AIRE: variants seen among roughly 807,000 people sequenced by gnomAD.
AIRE encodes the protein autoimmune polyendocrinopathy candidiasis ectodermal dystrophy protein.
A neutral mutation model predicts 62.1 loss-of-function variants in AIRE; 52 were observed. That is an observed-to-expected ratio of 0.84 (90% confidence interval 0.67 to 1.06). AIRE has a LOEUF of 1.06. Ranked by LOEUF, AIRE falls within the 50% of genes least tolerant of loss-of-function variation. The probability of loss-of-function intolerance (pLI) is 0.00; values close to 1 mark genes in which losing one functional copy is unlikely to be tolerated. For missense variants in AIRE, 774 were observed against 755.8 expected, an observed-to-expected ratio of 1.02 and a Z score of -0.28; for synonymous variants, 342 against 321.6, an observed-to-expected ratio of 1.06 and a Z score of -0.68.
rs113512196 is a variant in AIRE at position 44,292,984 on chromosome 21, G to C, written c.1096-9G>C. On this transcript the variant is annotated splice_polypyrimidine_tract_variant and intron_variant, in intron 9 of 13. Coordinates refer to ENST00000291582, the MANE Select transcript of AIRE (RefSeq NM_000383.4). ...CGCTGCCCCTCTGATGCTGACCCTT[G>C]GGTTCCAGCTCCCCCCGGGGCTTAG... The C allele has an allele frequency of 2.8e-3, 4,589 of 1,611,902 alleles. 100 individuals are homozygous for C. In the African/African-American group the frequency reaches 0.053, roughly 19 times the overall value.
chr21:44,286,120 C>T lies in AIRE; in HGVS notation c.114C>T (p.Val38=), dbSNP rs1192858868. ...LLHALADHDV[V]PEDKFQETLH... The stretch of plus-strand genomic sequence containing the variant: ...ACGCGCTGGCTGACCACGACGTGGT[C>T]CCCGAGGACAAGTTTCAGGTGGGCT... The change falls in exon 1 of 14, where the codon GTC becomes GTT. Residue 38 remains valine (V), a synonymous_variant. Transcript: ENST00000291582. The surrounding 1 kb of genome is among the most constrained non-coding windows in gnomAD (Gnocchi z 6.0). 1.3e-6 allele frequency: 2 copies of T among 1,547,130 alleles called. No homozygotes were observed. The highest frequency in any genetic ancestry group is 1.2e-5 in the South Asian group (1 of 83,988).
Position 44,293,029 on chromosome 21 carries a change from A to G in AIRE, c.1132A>G (p.Arg378Gly), listed in dbSNP as rs758775963. ...GCTTAGGTCGGCGGGAGAGGAGGTAAGAGGTCCACCTGGGGAACCCCTAGC... is the reference window on the plus strand; with the variant it reads ...GCTTAGGTCGGCGGGAGAGGAGGTAGGAGGTCCACCTGGGGAACCCCTAGC... ...PGLRSAGEEV[R>G]GPPGEPLAGM... The change falls in exon 10 of 14, where the codon AGA becomes GGA. Residue 378 changes from arginine (R) to glycine (G), a missense_variant. Arg to Gly is a moderately radical substitution (Grantham distance 125). Around this residue, in one of 3 missense-constraint regions of AIRE, gnomAD observed 354 missense variants for 296.1 expected, o/e 1.20. Transcript: ENST00000291582. 5.0e-6 allele frequency: 8 copies of G among 1,612,376 alleles called. No individual in the cohort carries two copies. The East Asian group carries it at 1.8e-4, about 36-fold the overall frequency.
chr21:44,296,485 C>A, intron 13 of AIRE, 40 bp downstream of exon 13: 1 of 1,572,582 alleles, frequency 6.4e-7, no homozygotes, highest in Non-Finnish European at 8.7e-7. Flanking sequence ...CTCCACTCCC[C>A]CTCCCCTGCC....
chr21:44,286,266 C>A lies in AIRE; in HGVS notation c.132+128C>A, dbSNP rs2040480971. The A allele has an allele frequency of 2.7e-6, 3 of 1,117,370 alleles. No individual in the cohort carries two copies. Among genetic ancestry groups the A allele is most frequent in the Non-Finnish European group, 3.9e-6 (3 of 779,020 alleles). The allele number at this position is 1,117,370 out of a possible 1,614,324, so 69.2% of individuals were successfully genotyped here. On this transcript the variant is annotated intron_variant, in intron 1 of 13. Transcript: ENST00000291582. This position sits in a 1 kb window ranked among gnomAD's most constrained non-coding sequence, Gnocchi z 6.0. Reference sequence around the variant, plus strand: ...CTCCAGCCTTCCCCAACTCCCTCCCCACAAGGAGCCAGGGGCGTCCCTGAT... The same window carrying A: ...CTCCAGCCTTCCCCAACTCCCTCCCAACAAGGAGCCAGGGGCGTCCCTGAT...
chr21:44,289,514 CGACTG>C, intron 5 of AIRE, 138 bp from the exon 6 acceptor site: 1 of 1,115,930 alleles, frequency 9.0e-7, no homozygotes, highest in Non-Finnish European at 1.2e-6. Context: ...GCCCCAGACT[CGACTG>C]GGGTGGGGGC....
intron 12 of AIRE, among the ~76,000 whole-genome samples, chr21:44,294,829 G>A (rs1416336573): frequency 6.6e-6 from 1 of 152,216 alleles, no homozygotes; most frequent in African/African-American, 2.4e-5. Flanking sequence ...GGGAGCGCCC[G>A]GCCTGCAGGA....
intron 5 of AIRE, 60 bp downstream of exon 5, chr21:44,288,518 AG>A: frequency 3.9e-6 from 5 of 1,278,566 alleles, no homozygotes; most frequent in Middle Eastern, 1.9e-4. Flanking sequence ...AGATGGAAGG[AG>A]GACCACGCCC....
At position 44,287,803 on chromosome 21, in the gene AIRE, C is replaced by G. The variant is rs987572814; in HGVS notation, c.538+212C>G. On this transcript the variant is annotated intron_variant, in intron 4 of 13. Coordinates refer to ENST00000291582, the MANE Select transcript of AIRE (RefSeq NM_000383.4). This position sits in a 1 kb window ranked among gnomAD's most constrained non-coding sequence, Gnocchi z 4.3. Reference sequence around the variant, plus strand: ...ATCTTGCCAGTCGCCCCTGCCCCCACTGCACCCTGGTTCTGGGACCCCCTT... The same window carrying G: ...ATCTTGCCAGTCGCCCCTGCCCCCAGTGCACCCTGGTTCTGGGACCCCCTT... Among the ~76,000 whole-genome samples, 3 of 152,174 alleles carry G rather than the reference C, an allele frequency of 2.0e-5. No homozygotes were observed. Among genetic ancestry groups the G allele is most frequent in the Non-Finnish European group, 4.4e-5 (3 of 68,018 alleles).
rs376731017 is a variant in AIRE, at chr21:44,297,708, C to T, written c.1619C>T (p.Ala540Val). ...QWAIQSMARP[A>V]APFPS is the part of the protein sequence containing the mutation. ...GCCATCCAGAGCATGGCCCGTCCGG[C>T]GGCCCCCTTCCCCTCCTGACCCCAG... The change falls in exon 14 of 14, where the codon GCG becomes GTG. Residue 540 changes from alanine to valine, a missense_variant. By Grantham distance (64) the Ala-to-Val change is moderately conservative. Coordinates refer to ENST00000291582, the MANE Select transcript of AIRE (RefSeq NM_000383.4). The surrounding 1 kb of genome is among the most constrained non-coding windows in gnomAD (Gnocchi z 4.8). 27 of 1,612,120 alleles carry T rather than the reference C, an allele frequency of 1.7e-5. No individual in the cohort carries two copies. Among genetic ancestry groups the T allele is most frequent in the East Asian group, 1.1e-4 (5 of 44,884 alleles).
chr21:44,289,565 G>A (rs1001307492), intron 5 of AIRE, 92 bp from the exon 6 acceptor site: 2 of 1,556,190 alleles, frequency 1.3e-6, no homozygotes, highest in East Asian at 2.3e-5. Flanking sequence ...AACTCCACCT[G>A]TCTCTGCTAG....
chr21:44,296,593 G>A, intron 13 of AIRE, 148 bp downstream of exon 13: 2 of 785,722 alleles, frequency 2.5e-6, no homozygotes, highest in South Asian at 2.9e-5. Flanking sequence ...CACCCACCAG[G>A]AGCCCCAGTG....
rs758925577 is a variant in AIRE, at chr21:44,286,543, C to CCA, written c.133-12_133-11dup. On this transcript the variant is annotated splice_polypyrimidine_tract_variant and intron_variant, in intron 1 of 13. Coordinates refer to ENST00000291582, the MANE Select transcript of AIRE (RefSeq NM_000383.4). The surrounding 1 kb of genome is among the most constrained non-coding windows in gnomAD (Gnocchi z 6.0). ...GGGGACCATGGCAGGGACCCTCATG[C>CCA]CACCCCACTGCAGGAGACGCTTCAT... 2 of 1,603,220 alleles carry CCA rather than the reference C, an allele frequency of 1.2e-6. No homozygotes were observed. Among genetic ancestry groups the CCA allele is most frequent in the Admixed American group, 3.4e-5 (2 of 59,698 alleles).
rs779035374 is a variant in AIRE at position 44,297,755 on chromosome 21, G to A, written c.*28G>A. 2.6e-5 allele frequency: 41 copies of A among 1,591,146 alleles called. No homozygotes were observed. The highest frequency in any genetic ancestry group is 3.4e-5 in the Non-Finnish European group (39 of 1,161,078). ...CCAGATGGCCGGGACATGCAGCTCTGATGAGAGAGTGCTGAGAAGGACACC... is the reference window on the plus strand; with the variant it reads ...CCAGATGGCCGGGACATGCAGCTCTAATGAGAGAGTGCTGAGAAGGACACC... On this transcript the variant is annotated 3_prime_UTR_variant, in exon 14 of 14. Transcript: ENST00000291582. This position sits in a 1 kb window ranked among gnomAD's most constrained non-coding sequence, Gnocchi z 4.8.
intron 7 of AIRE, chr21:44,290,861 C>T (rs145284511): frequency 9.7e-5 from 155 of 1,600,996 alleles, no homozygotes; most frequent in African/African-American, 7.1e-4. Flanking sequence ...TGCAAGAAAC[C>T]GGGTTTTCTT....
Position 44,293,013 on chromosome 21 carries a change from G to A in AIRE, c.1116G>A (p.Ser372=), listed in dbSNP as rs61737006. The A allele has an allele frequency of 5.4e-4, 873 of 1,612,478 alleles. 4 individuals carry two copies. In the African/African-American group the frequency reaches 0.01, roughly 19 times the overall value. The change falls in exon 10 of 14, where the codon TCG becomes TCA. Residue 372 remains serine (S), a synonymous_variant. Coordinates refer to ENST00000291582, the MANE Select transcript of AIRE (RefSeq NM_000383.4). ...TCCAGCTCCCCCCGGGGCTTAGGTC[G>A]GCGGGAGAGGAGGTAAGAGGTCCAC... ...VETPLPPGLR[S]AGEEVRGPPG... is the part of the protein sequence containing the mutation.
Position 44,293,873 on chromosome 21 carries a change from T to C in AIRE, c.1363T>C (p.Trp455Arg), listed in dbSNP as rs1364863167. 9 of 1,596,460 alleles carry C rather than the reference T, an allele frequency of 5.6e-6. No homozygotes were observed. The South Asian group carries it at 9.9e-5, about 18-fold the overall frequency. The change falls in exon 11 of 14, where the codon TGG (tryptophan) becomes CGG (arginine). Residue 455 changes from tryptophan (W) to arginine (R), a missense_variant. By Grantham distance (101) the Trp-to-Arg change is moderately radical. Coordinates refer to ENST00000291582, the MANE Select transcript of AIRE (RefSeq NM_000383.4). Reference protein sequence around the residue: ...RCTHCAAAFHWRCHFPAGTSR... With the variant: ...RCTHCAAAFHRRCHFPAGTSR... ...TACTCACTGCGCCGCTGCCTTCCACTGGCGCTGCCACTTCCCAGCCGGCAC... is the reference window on the plus strand; with the variant it reads ...TACTCACTGCGCCGCTGCCTTCCACCGGCGCTGCCACTTCCCAGCCGGCAC...
intron 5 of AIRE, 79 bp downstream of exon 5, chr21:44,288,537 T>C: frequency 1.9e-6 from 2 of 1,041,726 alleles, no homozygotes; most frequent in Non-Finnish European, 2.9e-6. Flanking sequence ...CCCCTTTGCA[T>C]CCTGGTGGTC....
At chr21:44,288,611 G>T in intron 5 of AIRE, 153 bp downstream of exon 5, 1 of 628,974 alleles carries the variant, frequency 1.6e-6, no homozygotes, top group Non-Finnish European at 2.8e-6. Context: ...GCTGACTTTG[G>T]AGGAGGAGGG....
chr21:44,287,691 C>A lies in AIRE; in HGVS notation c.538+100C>A. 1 of 1,257,324 alleles carries A rather than the reference C, an allele frequency of 8.0e-7. No homozygotes were observed. Among genetic ancestry groups the A allele is most frequent in the Non-Finnish European group, 1.1e-6 (1 of 885,632 alleles). 77.9% of individuals were successfully genotyped at this position (1,257,324 alleles called of 1,614,324 possible). ...GCCCTCTGAGACCCTGTCCTAGGGG[C>A]TGGGGACGTGCTGGCCTGGTGTGTC... On this transcript the variant is annotated intron_variant, in intron 4 of 13. Transcript: ENST00000291582. This position sits in a 1 kb window ranked among gnomAD's most constrained non-coding sequence, Gnocchi z 4.3.
Sources: gnomAD v4.1 joint callset for allele counts (sites outside exome capture counted in the v4.1 genomes callset) on GRCh38, gnomAD v4.1.1 for gene constraint, gnomAD v4.1.1 regional missense constraint, Gnocchi (gnomAD v3.1) non-coding constraint, MANE v1.5 for transcripts, NCBI Gene and HGNC (gene_info 2026-07-23, HGNC 2026-07-21) for gene names.